Variants in ZNF503 observed in about 807,000 individuals in gnomAD.
ZNF503 encodes the protein NocA-like zinc finger 2.
A neutral mutation model predicts 34.4 loss-of-function variants in ZNF503; 15 were observed. The ratio of observed to expected loss-of-function variants is 0.44; its 90% CI spans 0.29 to 0.67. The LOEUF is 0.67. ZNF503 is among the 30% of genes least tolerant of loss of function. The pLI is 0.13. For synonymous variants in ZNF503, 580 were observed against 456.8 expected (o/e 1.27, Z -3.44); for missense variants, 1,007 against 926.8 (o/e 1.09, Z -1.12).
chr10:75,361,433 G>A, the ZNF503 span: 1 of 152,156 alleles, frequency 6.6e-6, no homozygotes, highest in Non-Finnish European at 1.5e-5. Context: ...TTGTTTTCAA[G>A]CCATTCAGAA....
chr10:75,398,307 T>C lies in ZNF503; in HGVS notation c.*442A>G, dbSNP rs565095111. The C allele has an allele frequency of 7.2e-4, 112 of 156,544 alleles. No individual in the cohort carries two copies. The highest frequency in any genetic ancestry group is 2.6e-3 in the African/African-American group (107 of 41,652). 9.7% of individuals were successfully genotyped at this position (156,544 alleles called of 1,614,324 possible). A position where few individuals can be genotyped will look rare whatever the true frequency, so the allele number is the denominator to read the frequency against. ...TTATAATCTACAAGGGATGGGAGGG[T>C]TTGTTTTCCACATTTTTACCCTCAA... On this transcript the variant is annotated 3_prime_UTR_variant, in exon 2 of 2. Transcript: ENST00000372524.
the ZNF503 span, among the ~76,000 whole-genome samples, chr10:75,292,351 G>C: frequency 3.5e-4 from 53 of 152,316 alleles, no homozygotes; most frequent in African/African-American, 1.3e-3. Context: ...AAGCAAGAAA[G>C]AGAATGCATT....
In ZNF503 at chr10:75,399,862, G is replaced by A. The variant is rs771130745; in HGVS notation, c.828C>T (p.Pro276=). The A allele has an allele frequency of 1.1e-5, 18 of 1,602,616 alleles. No homozygotes were observed. The highest frequency in any genetic ancestry group is 1.3e-5 in the Non-Finnish European group (15 of 1,175,900). The stretch of plus-strand genomic sequence containing the variant: ...TAATCCGGCCGTGTGCCAGCCCCGT[G>A]GGTCCCCCTTCGGCCGAGGCGCCCC... ...GTGGASAEGG[P]TGLAHGRISC... is the part of the protein sequence containing the mutation. Residue 276 remains proline, a synonymous_variant, in exon 2 of 2, where the codon CCC becomes CCT. Coordinates refer to ENST00000372524, the MANE Select transcript of ZNF503 (RefSeq NM_032772.6).
the ZNF503 span, among the ~76,000 whole-genome samples, chr10:75,352,363 T>C: frequency 6.6e-6 from 1 of 152,178 alleles, no homozygotes; most frequent in Non-Finnish European, 1.5e-5. Context: ...AGACCTGGTC[T>C]TTTTCCCCAG....
At chr10:75,315,935 A>T in the ZNF503 span, among the ~76,000 whole-genome samples, 1 of 152,206 alleles carries the variant, frequency 6.6e-6, no homozygotes, top group African/African-American at 2.4e-5. Flanking sequence ...GGTGGGGTAG[A>T]CATAAATCGA....
At chr10:75,346,560 C>T in the ZNF503 span, among the ~76,000 whole-genome samples, 181 of 151,474 alleles carry the variant, frequency 1.2e-3, no homozygotes, top group Non-Finnish European at 1.9e-3. Flanking sequence ...CCACCACCCC[C>T]CTCCAAGTAG....
At chr10:75,282,576 C>A in the ZNF503 span, among the ~76,000 whole-genome samples, 1 of 152,334 alleles carries the variant, frequency 6.6e-6, no homozygotes, top group East Asian at 1.9e-4. Flanking sequence ...GCTAGGCATT[C>A]TGTGATGTGC....
At position 75,399,419 on chromosome 10, in the gene ZNF503, G is replaced by A. The variant is rs746981230; in HGVS notation, c.1271C>T (p.Ala424Val). ...AGASPPSVMT[A>V]SLCRDPYCLS... ...GCAGTAAGGGTCCCGGCACAAACTGGCTGTCATCACGGACGGCGGAGACGC... is the reference window on the plus strand; with the variant it reads ...GCAGTAAGGGTCCCGGCACAAACTGACTGTCATCACGGACGGCGGAGACGC... The change falls in exon 2 of 2, where the codon GCC (alanine) becomes GTC (valine). Residue 424 changes from alanine (A) to valine (V), a missense_variant. Ala to Val is a moderately conservative substitution (Grantham distance 64). Transcript: ENST00000372524. 8.1e-6 allele frequency: 13 copies of A among 1,603,268 alleles called. No homozygotes were observed. The highest frequency in any genetic ancestry group is 9.3e-6 in the Non-Finnish European group (11 of 1,178,238).
Position 75,401,478 on chromosome 10 carries a change from C to G in ZNF503, c.-59G>C. 1 of 1,488,522 alleles carries G rather than the reference C, an allele frequency of 6.7e-7. No individual in the cohort carries two copies. The highest frequency in any genetic ancestry group is 2.4e-4 in the Middle Eastern group (1 of 4,222). The allele number at this position is 1,488,522 out of a possible 1,614,324, so 92.2% of individuals were successfully genotyped here. A position where few individuals can be genotyped will look rare whatever the true frequency, so the allele number is the denominator to read the frequency against. The stretch of plus-strand genomic sequence containing the variant: ...AGGGCTCCGGGAGGCGCGGGGCGGG[C>G]TCGGGGCTGCGCGCTCGCCCCGGGA... On this transcript the variant is annotated 5_prime_UTR_variant, in exon 1 of 2. Transcript: ENST00000372524.
At chr10:75,393,975 C>G (rs566258103), downstream of ZNF503, among the ~76,000 whole-genome samples, 15 of 152,342 alleles carry the variant, frequency 9.8e-5, no homozygotes, top group Non-Finnish European at 1.5e-4. Flanking sequence ...TCACCACACC[C>G]TCCTCTAGCT....
the ZNF503 span, among the ~76,000 whole-genome samples, chr10:75,284,422 A>C: frequency 6.6e-6 from 1 of 150,752 alleles, no homozygotes. Context: ...GGGGAAGGGT[A>C]CTGGGTTGGG....
the ZNF503 span, among the ~76,000 whole-genome samples, chr10:75,384,558 A>T: frequency 3.3e-5 from 5 of 152,072 alleles, no homozygotes; most frequent in Non-Finnish European, 5.9e-5. Context: ...CCACATGGAC[A>T]CAACTCCCTT....
At chr10:75,284,886 GC>G in the ZNF503 span, among the ~76,000 whole-genome samples, 1 of 152,174 alleles carries the variant, frequency 6.6e-6, no homozygotes, top group African/African-American at 2.4e-5. Context: ...AAGTATTTAA[GC>G]ACCATTAGAT....
At chr10:75,286,807 G>C in the ZNF503 span, among the ~76,000 whole-genome samples, 1 of 152,236 alleles carries the variant, frequency 6.6e-6, no homozygotes, top group African/African-American at 2.4e-5. Context: ...CTGAGACAGA[G>C]GGGCTGCGTC....
chr10:75,367,335 C>A, the ZNF503 span, among the ~76,000 whole-genome samples: 1 of 152,096 alleles, frequency 6.6e-6, no homozygotes, highest in African/African-American at 2.4e-5. Context: ...CTTGATATTG[C>A]AGGATGCTGT....
chr10:75,389,767 C>T, the ZNF503 span, among the ~76,000 whole-genome samples: 1 of 152,158 alleles, frequency 6.6e-6, no homozygotes, highest in Admixed American at 6.5e-5. Context: ...TCACATGTTG[C>T]TAAGATTCAG....
chr10:75,305,904 C>T, the ZNF503 span, among the ~76,000 whole-genome samples: 1 of 152,108 alleles, frequency 6.6e-6, no homozygotes, highest in Non-Finnish European at 1.5e-5. Context: ...TATGGGTATA[C>T]CACATGTTGT....
the ZNF503 span, among the ~76,000 whole-genome samples, chr10:75,344,907 G>T: frequency 2.0e-5 from 3 of 152,224 alleles, no homozygotes; most frequent in African/African-American, 4.8e-5. Context: ...CTCCAATCAT[G>T]TAGCCTCTGC....
chr10:75,356,776 G>A, the ZNF503 span, among the ~76,000 whole-genome samples: 1 of 152,110 alleles, frequency 6.6e-6, no homozygotes, highest in Non-Finnish European at 1.5e-5. Flanking sequence ...AGAACTTTGG[G>A]CTTAATTCTC....
Sources: gnomAD v4.1 joint callset for allele counts (sites outside exome capture counted in the v4.1 genomes callset) on GRCh38, gnomAD v4.1.1 for gene constraint, MANE v1.5 for transcripts, NCBI Gene and HGNC (gene_info 2026-07-23, HGNC 2026-07-21) for gene names.